QSOX1: variants seen among roughly 807,000 people sequenced by gnomAD.
The protein encoded by QSOX1 is sulfhydryl oxidase 1.
A neutral mutation model predicts 76.1 loss-of-function variants in QSOX1; 40 were observed. The observed-to-expected ratio is 0.53, with a 90% CI of 0.41 to 0.68. The LOEUF is 0.68. Ranked by LOEUF, QSOX1 falls within the 30% of genes least tolerant of loss-of-function variation. The pLI is 0.00. For missense variants in QSOX1, 931 were observed against 974.3 expected (o/e 0.96, Z 0.59); for synonymous variants, 392 against 413.1 (o/e 0.95, Z 0.62).
In QSOX1 at chr1:180,154,912, G is replaced by A. The variant is rs1227571483; in HGVS notation, c.5G>A (p.Arg2Lys). The change falls in exon 1 of 12, where the codon AGG becomes AAG. Residue 2 changes from arginine (R) to lysine (K), a missense_variant. Coordinates refer to ENST00000367602, the MANE Select transcript of QSOX1 (RefSeq NM_002826.5). MRRCNSGSGPPP... is the reference protein window; with the variant it reads MKRCNSGSGPPP... ...GTGGTGAGCGCAGCGCCGAGGATGA[G>A]GAGGTGCAACAGCGGCTCCGGGCCG... The A allele has an allele frequency of 3.4e-6, 5 of 1,450,984 alleles. No homozygotes were observed. Among genetic ancestry groups the A allele is most frequent in the Non-Finnish European group, 4.5e-6 (5 of 1,110,086 alleles). The allele number at this position is 1,450,984 out of a possible 1,614,324, so 89.9% of individuals were successfully genotyped here. A position where few individuals can be genotyped will look rare whatever the true frequency, so the allele number is the denominator to read the frequency against.
chr1:180,195,530 C>T (rs1379143059), intron 11 of QSOX1, among the ~76,000 whole-genome samples: 1 of 152,198 alleles, frequency 6.6e-6, no homozygotes, highest in Non-Finnish European at 1.5e-5. Flanking sequence ...ATTCCCTGGG[C>T]AACACTGCGT....
At chr1:180,156,563 G>A (rs141494432) in intron 1 of QSOX1, among the ~76,000 whole-genome samples, 2 of 152,328 alleles carry the variant, frequency 1.3e-5, no homozygotes, top group African/African-American at 4.8e-5. Context: ...TTCTGAAGAG[G>A]CGAGATGGAA....
At chr1:180,184,977 G>A (rs185054505) in intron 7 of QSOX1, among the ~76,000 whole-genome samples, 2 of 152,296 alleles carry the variant, frequency 1.3e-5, no homozygotes, top group Admixed American at 6.5e-5. Flanking sequence ...AACCATTGAC[G>A]TTCTTGTAAT....
chr1:180,175,490 A>G (rs1662867374), intron 3 of QSOX1, 124 bp downstream of exon 3: 5 of 1,018,500 alleles, frequency 4.9e-6, no homozygotes, highest in Non-Finnish European at 7.7e-6. Context: ...GGCGGTCCCC[A>G]CGGGAAGCCT....
intron 1 of QSOX1, among the ~76,000 whole-genome samples, chr1:180,161,339 G>A (rs1008955462): frequency 6.6e-6 from 1 of 152,116 alleles, no homozygotes; most frequent in African/African-American, 2.4e-5. Context: ...TCTCAGATTG[G>A]ACTTTTAACA....
At chr1:180,155,594 C>T (rs927100734) in intron 1 of QSOX1, among the ~76,000 whole-genome samples, 9 of 152,234 alleles carry the variant, frequency 5.9e-5, no homozygotes, top group African/African-American at 1.7e-4. Context: ...CTGCCAGGTT[C>T]CCTAGCTGCT....
At chr1:180,160,503 G>A (rs1662469087) in intron 1 of QSOX1, among the ~76,000 whole-genome samples, 1 of 151,932 alleles carries the variant, frequency 6.6e-6, no homozygotes, top group Admixed American at 6.6e-5. Context: ...TACCCACTGG[G>A]CAGACTAAAG....
At position 180,196,887 on chromosome 1, in the gene QSOX1, G is replaced by A. The variant is rs761681939; in HGVS notation, c.2094G>A (p.Leu698=). 1 of 1,593,806 alleles carries A rather than the reference G, an allele frequency of 6.3e-7. No individual in the cohort carries two copies. The highest frequency in any genetic ancestry group is 8.6e-7 in the Non-Finnish European group (1 of 1,167,700). ...ARAGRGRGQW[L]QVLGGGFSYL... Reference sequence around the variant, plus strand: ...CTGGACGGGGCCGAGGCCAGTGGCTGCAGGTGCTGGGAGGGGGCTTCTCTT... The same window carrying A: ...CTGGACGGGGCCGAGGCCAGTGGCTACAGGTGCTGGGAGGGGGCTTCTCTT... Residue 698 remains leucine, a synonymous_variant, in exon 12 of 12, where the codon CTG becomes CTA. Coordinates refer to ENST00000367602, the MANE Select transcript of QSOX1 (RefSeq NM_002826.5). This position sits in a 1 kb window ranked among gnomAD's most constrained non-coding sequence, Gnocchi z 4.1.
At chr1:180,180,751 G>A (rs1453757362) in intron 5 of QSOX1, among the ~76,000 whole-genome samples, 2 of 152,200 alleles carry the variant, frequency 1.3e-5, no homozygotes, top group Admixed American at 1.3e-4. Context: ...TCCTGACCTT[G>A]TGATCTGACC....
At chr1:180,170,907 T>C (rs1651042584) in intron 2 of QSOX1, among the ~76,000 whole-genome samples, 1 of 151,934 alleles carries the variant, frequency 6.6e-6, no homozygotes, top group African/African-American at 2.4e-5. Flanking sequence ...TGGTCAGAGG[T>C]GGGTGCATGG....
At chr1:180,170,334 A>G (rs1163278488) in intron 2 of QSOX1, among the ~76,000 whole-genome samples, 3 of 152,198 alleles carry the variant, frequency 2.0e-5, no homozygotes, top group Admixed American at 2.0e-4. Context: ...TGGATAATCC[A>G]CGGTGTTGGA....
intron 5 of QSOX1, 60 bp from the exon 6 acceptor site, chr1:180,182,114 C>T: frequency 1.3e-6 from 2 of 1,588,132 alleles, no homozygotes; most frequent in African/African-American, 1.3e-5. Flanking sequence ...CGAGCTGGGA[C>T]CCAGCCCTGG....
At chr1:180,175,484 G>A in intron 3 of QSOX1, 118 bp downstream of exon 3, 1 of 1,071,536 alleles carries the variant, frequency 9.3e-7, no homozygotes, top group Non-Finnish European at 1.4e-6. Flanking sequence ...GGGTGAGGCG[G>A]TCCCCACGGG....
intron 2 of QSOX1, among the ~76,000 whole-genome samples, chr1:180,169,998 C>T (rs1246145390): frequency 6.6e-6 from 1 of 152,016 alleles, no homozygotes; most frequent in Non-Finnish European, 1.5e-5. Context: ...TATAGGCAGG[C>T]GAGAAGGTGA....
In QSOX1 at chr1:180,159,564, T is replaced by C. The variant is rs539803142; in HGVS notation, c.265+4392T>C. On this transcript the variant is annotated intron_variant, in intron 1 of 11. Coordinates refer to ENST00000367602, the MANE Select transcript of QSOX1 (RefSeq NM_002826.5). ...TTCTGATGAGCTGAGCAGAGGAGTT[T>C]GGCTTTATAGACAGAAAAAGGCTGA... 7.0e-4 allele frequency among the ~76,000 whole-genome samples: 107 copies of C among 152,356 alleles called. 1 individual carries two copies. The Middle Eastern group carries it at 0.01, about 15-fold the overall frequency.
intron 4 of QSOX1, among the ~76,000 whole-genome samples, chr1:180,176,960 C>A (rs549884703): frequency 2.6e-5 from 4 of 152,208 alleles, no homozygotes; most frequent in Non-Finnish European, 5.9e-5. Context: ...ATCCAACTCA[C>A]AATGACTCCT....
chr1:180,203,773 C>T lies in QSOX1; in HGVS notation c.*6736C>T, dbSNP rs1231337584. 9 of 152,110 alleles carry T rather than the reference C, an allele frequency of 5.9e-5. No homozygotes were observed. The highest frequency in any genetic ancestry group is 1.2e-4 in the Non-Finnish European group (8 of 68,018). 9.4% of individuals were successfully genotyped at this position (152,110 alleles called of 1,614,324 possible). A position where few individuals can be genotyped will look rare whatever the true frequency, so the allele number is the denominator to read the frequency against. ...TGAGCTTTAGTCAATTGTAGGTGGT[C>T]AATAGATTCAGATAAGGCAATCCAG... On this transcript the variant is annotated 3_prime_UTR_variant, in exon 12 of 12. Coordinates refer to ENST00000367602, the MANE Select transcript of QSOX1 (RefSeq NM_002826.5).
At chr1:180,165,015 G>A (rs117417573) in intron 1 of QSOX1, among the ~76,000 whole-genome samples, 1 of 152,100 alleles carries the variant, frequency 6.6e-6, no homozygotes, top group African/African-American at 2.4e-5. Flanking sequence ...GGGCAGTGCC[G>A]AGCTGTTCAT....
At chr1:180,192,533 T>G (rs1486882069) in intron 10 of QSOX1, among the ~76,000 whole-genome samples, 2 of 151,956 alleles carry the variant, frequency 1.3e-5, no homozygotes, top group East Asian at 1.9e-4. Context: ...GTGGTCAGAT[T>G]TGGGGATATG....
Sources: gnomAD v4.1 joint callset for allele counts (sites outside exome capture counted in the v4.1 genomes callset) on GRCh38, gnomAD v4.1.1 for gene constraint, Gnocchi (gnomAD v3.1) non-coding constraint, MANE v1.5 for transcripts, NCBI Gene and HGNC (gene_info 2026-07-23, HGNC 2026-07-21) for gene names.